PRKN: variants seen among roughly 807,000 people sequenced by gnomAD.
PRKN encodes the protein E3 ubiquitin-protein ligase parkin.
In PRKN, 56 loss-of-function variants were observed where a neutral mutation model predicts 59.5. The ratio of observed to expected loss-of-function variants is 0.94; its 90% CI spans 0.76 to 1.18. The LOEUF is 1.18. PRKN is among the 50% of genes most tolerant of loss of function. The pLI is 0.00. For synonymous variants in PRKN, 250 were observed against 222.1 expected (o/e 1.13, Z -1.12); for missense variants, 657 against 596.4 (o/e 1.10, Z -1.06).
chr6:161,593,384 T>C lies in PRKN; in HGVS notation c.872-23968A>G, dbSNP rs1485059663. Among the ~76,000 whole-genome samples the C allele has an allele frequency of 1.3e-5, 2 of 152,066 alleles. No individual in the cohort carries two copies. The highest frequency in any genetic ancestry group is 4.8e-5 in the African/African-American group (2 of 41,414). The stretch of plus-strand genomic sequence containing the variant: ...ATAAACCTGCCCAGTGTCACAAAAC[T>C]AATATATGGTGAGGCTGGTTTCAAG... On this transcript the variant is annotated intron_variant, in intron 7 of 11. Transcript: ENST00000366898. This position sits in a 1 kb window ranked among gnomAD's most constrained non-coding sequence, Gnocchi z 4.8.
rs1156602486 is a variant in PRKN at position 161,499,576 on chromosome 6, C to T, written c.1083+49278G>A. Among the ~76,000 whole-genome samples, 2 of 152,068 alleles carry T rather than the reference C, an allele frequency of 1.3e-5. No homozygotes were observed. The highest frequency in any genetic ancestry group is 6.6e-5 in the Admixed American group (1 of 15,256). On this transcript the variant is annotated intron_variant, in intron 9 of 11. Transcript: ENST00000366898. The surrounding 1 kb of genome is among the most constrained non-coding windows in gnomAD (Gnocchi z 4.2). ...TGGTTTGACTTCTGAAAATGTGGTC[C>T]CTGGTCCACCTGGATCCAAGTTAGC... is the stretch of plus-strand genomic sequence containing the variant.
chr6:162,546,644 A>T lies in PRKN; in HGVS notation c.8-103171T>A, dbSNP rs376516149. Reference sequence around the variant, plus strand: ...TTTTTAGTTGAGATGGGGTTTCACCATGCTGGCCAGGATGGTCTCGAACTC... The same window carrying T: ...TTTTTAGTTGAGATGGGGTTTCACCTTGCTGGCCAGGATGGTCTCGAACTC... On this transcript the variant is annotated intron_variant, in intron 1 of 11. Coordinates refer to ENST00000366898, the MANE Select transcript of PRKN (RefSeq NM_004562.3). Among the ~76,000 whole-genome samples, 205 of 151,960 alleles carry T rather than the reference A, an allele frequency of 1.3e-3. 1 individual carries two copies. The highest frequency in any genetic ancestry group is 4.5e-3 in the African/African-American group (186 of 41,432).
chr6:162,508,949 T>G (rs937517670), intron 1 of PRKN, among the ~76,000 whole-genome samples: 3 of 152,140 alleles, frequency 2.0e-5, no homozygotes, highest in African/African-American at 7.2e-5. Context: ...TAGAGATATT[T>G]GCTATTCAAG....
chr6:162,474,215 G>A (rs1466116937), intron 1 of PRKN, among the ~76,000 whole-genome samples: 2 of 152,108 alleles, frequency 1.3e-5, no homozygotes, highest in Non-Finnish European at 2.9e-5. Context: ...TGTTAAGAAC[G>A]ACAAAGGGAA....
At chr6:162,259,320 T>C (rs1202842661) in intron 3 of PRKN, among the ~76,000 whole-genome samples, 1 of 152,202 alleles carries the variant, frequency 6.6e-6, no homozygotes, top group African/African-American at 2.4e-5. Context: ...GATCCATAAT[T>C]GTAAGGCTGG....
intron 4 of PRKN, among the ~76,000 whole-genome samples, chr6:162,058,116 A>C (rs1425922740): frequency 1.3e-5 from 2 of 152,226 alleles, no homozygotes; most frequent in South Asian, 4.1e-4. Flanking sequence ...TTAGACAATT[A>C]GGAAAACTTT....
At chr6:162,422,293 T>C (rs1789009527) in intron 2 of PRKN, among the ~76,000 whole-genome samples, 2 of 152,218 alleles carry the variant, frequency 1.3e-5, no homozygotes, top group Admixed American at 1.3e-4. Flanking sequence ...AAACTTCTGG[T>C]CCAAATACCA....
chr6:161,351,572 G>A (rs1446687892), intron 11 of PRKN, among the ~76,000 whole-genome samples: 2 of 151,998 alleles, frequency 1.3e-5, no homozygotes, highest in African/African-American at 2.4e-5. Flanking sequence ...TCATCCTCCC[G>A]CCTCGGCCTC....
At chr6:161,880,263 T>C (rs1449841973) in intron 6 of PRKN, among the ~76,000 whole-genome samples, 1 of 152,214 alleles carries the variant, frequency 6.6e-6, no homozygotes, top group Admixed American at 6.5e-5. Context: ...GTATGGTGCA[T>C]GTGTTCCATG....
At chr6:162,704,771 G>A (rs1410601358) in intron 1 of PRKN, among the ~76,000 whole-genome samples, 1 of 152,118 alleles carries the variant, frequency 6.6e-6, no homozygotes, top group African/African-American at 2.4e-5. Flanking sequence ...TAGCTAGATG[G>A]GTCCGGTGGG....
intron 6 of PRKN, among the ~76,000 whole-genome samples, chr6:161,799,215 C>T (rs1235705245): frequency 3.9e-5 from 6 of 152,196 alleles, no homozygotes; most frequent in Admixed American, 3.9e-4. Context: ...GCTGTTGACT[C>T]CACAAACACA....
intron 2 of PRKN, among the ~76,000 whole-genome samples, chr6:162,374,057 A>T (rs9458536): frequency 0.65 from 98,807 of 152,120 alleles, 33,450 homozygotes; most frequent in African/African-American, 0.84. Context: ...TTATAGCCTG[A>T]TTACACAGTT....
At chr6:162,535,674 C>T (rs1778687697) in intron 1 of PRKN, among the ~76,000 whole-genome samples, 2 of 151,932 alleles carry the variant, frequency 1.3e-5, no homozygotes. Context: ...TTTGGGAGGC[C>T]GAGGTGGGCA....
chr6:162,078,543 T>G (rs1262702179), intron 4 of PRKN, among the ~76,000 whole-genome samples: 1 of 152,060 alleles, frequency 6.6e-6, no homozygotes, highest in Admixed American at 6.6e-5. Context: ...TTCTCTTACC[T>G]AAGGCCAAGA....
chr6:162,516,275 TC>T (rs1402947062), intron 1 of PRKN, among the ~76,000 whole-genome samples: 3 of 152,134 alleles, frequency 2.0e-5, no homozygotes, highest in Non-Finnish European at 2.9e-5. Flanking sequence ...AACTCCCAGC[TC>T]CTTCTCCCTA....
chr6:162,714,292 T>G (rs1189138171), intron 1 of PRKN, among the ~76,000 whole-genome samples: 1 of 152,154 alleles, frequency 6.6e-6, no homozygotes, highest in Non-Finnish European at 1.5e-5. Context: ...AGAACAATTG[T>G]GAAAAAAATC....
rs1266913611 is a variant in PRKN at position 161,552,845 on chromosome 6, C to T, written c.934-3842G>A. On this transcript the variant is annotated intron_variant, in intron 8 of 11. Transcript: ENST00000366898. This position sits in a 1 kb window ranked among gnomAD's most constrained non-coding sequence, Gnocchi z 4.9. ...GTCTCGTTGTTACGCGGCTGGAGTA[C>T]AGTGGCGCAATCTCGGCTCACTGCA... 6.8e-6 allele frequency among the ~76,000 whole-genome samples: 1 copy of T among 146,340 alleles called. No homozygotes were observed. Among genetic ancestry groups the T allele is most frequent in the African/African-American group, 2.5e-5 (1 of 39,894 alleles).
intron 10 of PRKN, among the ~76,000 whole-genome samples, chr6:161,370,612 G>GT (rs1562400866): frequency 2.2e-5 from 2 of 91,844 alleles, no homozygotes; most frequent in African/African-American, 1.2e-4. Context: ...AAAAAAAAAA[G>GT]CCGAATTAGC....
chr6:161,771,034 T>C (rs551744836), intron 7 of PRKN, among the ~76,000 whole-genome samples: 1 of 152,204 alleles, frequency 6.6e-6, no homozygotes, highest in African/African-American at 2.4e-5. Flanking sequence ...GGCTGCGGTA[T>C]TTTGTAATAG....
Sources: gnomAD v4.1 joint callset for allele counts (sites outside exome capture counted in the v4.1 genomes callset) on GRCh38, gnomAD v4.1.1 for gene constraint, Gnocchi (gnomAD v3.1) non-coding constraint, MANE v1.5 for transcripts, NCBI Gene and HGNC (gene_info 2026-07-23, HGNC 2026-07-21) for gene names.